Variants in BID observed in about 807,000 individuals in gnomAD.
BID encodes the protein BH3-interacting domain death agonist.
Under a neutral mutation model 17.4 loss-of-function variants are expected in BID, and 19 were observed. The ratio of observed to expected loss-of-function variants is 1.09; its 90% CI spans 0.76 to 1.60. BID has a LOEUF of 1.60. BID is among the 40% of genes most tolerant of loss of function. BID has a pLI of 0.00. For synonymous variants in BID, 108 were observed against 102.8 expected, an observed-to-expected ratio of 1.05 and a Z score of -0.31; for missense variants, 226 against 256.0, an observed-to-expected ratio of 0.88 and a Z score of 0.80.
chr22:17,741,539 T>A (rs987935774), intron 3 of BID, among the ~76,000 whole-genome samples: 3 of 151,354 alleles, frequency 2.0e-5, no homozygotes, highest in East Asian at 3.9e-4. Flanking sequence ...AGTGGTACAA[T>A]CTCAGCTCAC....
chr22:17,760,800 A>G (rs2061632647), intron 1 of BID, among the ~76,000 whole-genome samples: 1 of 152,166 alleles, frequency 6.6e-6, no homozygotes, highest in South Asian at 2.1e-4. Context: ...CACATGGGGA[A>G]CATCAGCATG....
chr22:17,761,240 A>G (rs1382792806), intron 1 of BID, among the ~76,000 whole-genome samples: 1 of 152,180 alleles, frequency 6.6e-6, no homozygotes, highest in Non-Finnish European at 1.5e-5. Context: ...CGGGTGTCTG[A>G]GAGAGACTTG....
chr22:17,741,430 C>T, intron 3 of BID, among the ~76,000 whole-genome samples: 1 of 152,016 alleles, frequency 6.6e-6, no homozygotes, highest in Admixed American at 6.6e-5. Flanking sequence ...TCTGACTTAA[C>T]TTCCACGCTT....
Position 17,743,945 on chromosome 22 carries a change from G to T in BID, c.81C>A (p.Ser27Arg). Residue 27 changes from serine to arginine, a missense_variant, in exon 3 of 6, where the codon AGC becomes AGA. Physicochemically the swap from Ser to Arg is moderately radical, Grantham distance 110 (BLOSUM62 -1). Transcript: ENST00000622694. Reference protein sequence around the residue: ...TNLLVFGFLQSCSDNSFRREL... With the variant: ...TNLLVFGFLQRCSDNSFRREL... ...CTCTGCGGAAGCTGTTGTCAGAACAGCTTTGGAGGAAGCCAAACACCAGTA... is the reference window on the plus strand; with the variant it reads ...CTCTGCGGAAGCTGTTGTCAGAACATCTTTGGAGGAAGCCAAACACCAGTA... The T allele has an allele frequency of 6.2e-7, 1 of 1,614,034 alleles. No homozygotes were observed. The highest frequency in any genetic ancestry group is 8.5e-7 in the Non-Finnish European group (1 of 1,180,038).
At chr22:17,759,256 A>C (rs1295742509) in intron 1 of BID, among the ~76,000 whole-genome samples, 3 of 149,506 alleles carry the variant, frequency 2.0e-5, no homozygotes, top group Non-Finnish European at 4.5e-5. Context: ...CAAAAAAAAA[A>C]AAACAAAAGA....
Position 17,735,264 on chromosome 22 carries a change from AATTTTT to A in BID, c.*310_*315del. The A allele has an allele frequency of 3.5e-6, 1 of 288,974 alleles. No individual in the cohort carries two copies. Among genetic ancestry groups the A allele is most frequent in the Non-Finnish European group, 6.4e-6 (1 of 156,290 alleles). The allele number at this position is 288,974 out of a possible 1,614,324, so 17.9% of individuals were successfully genotyped here. A position where few individuals can be genotyped will look rare whatever the true frequency, so the allele number is the denominator to read the frequency against. On this transcript the variant is annotated 3_prime_UTR_variant, in exon 6 of 6. Transcript: ENST00000622694. Reference sequence around the variant, plus strand: ...TTCCTTGAAACCTGCTTTCCAATTTAATTTTTAAGTGGGAACCTGCACAGTGGAAAT... The same window carrying A: ...TTCCTTGAAACCTGCTTTCCAATTTAAAGTGGGAACCTGCACAGTGGAAAT...
At chr22:17,757,842 T>A (rs1279479470) in intron 1 of BID, among the ~76,000 whole-genome samples, 1 of 152,190 alleles carries the variant, frequency 6.6e-6, no homozygotes, top group Non-Finnish European at 1.5e-5. Context: ...ACTCGGCCGC[T>A]GTCACTCGCG....
intron 2 of BID, among the ~76,000 whole-genome samples, chr22:17,744,443 G>A (rs143067553): frequency 1.1e-4 from 16 of 152,366 alleles, no homozygotes; most frequent in Admixed American, 1.0e-3. Flanking sequence ...TTTCCTGGCT[G>A]TGCTTCCAAC....
Position 17,773,836 on chromosome 22 carries a change from A to C in BID, c.-59+545T>G, listed in dbSNP as rs2061739211. ...CAGCGAGGATCCGCACATCATTGCC[A>C]GTGCTCTAAGGAGCGGGCGAGCCCC... On this transcript the variant is annotated intron_variant, in intron 1 of 5. Coordinates refer to ENST00000622694, the MANE Select transcript of BID (RefSeq NM_001196.4). The surrounding 1 kb of genome is among the most constrained non-coding windows in gnomAD (Gnocchi z 4.4). 1.2e-6 allele frequency: 1 copy of C among 801,928 alleles called. No individual in the cohort carries two copies. Among genetic ancestry groups the C allele is most frequent in the Non-Finnish European group, 2.0e-6 (1 of 499,712 alleles). The allele number at this position is 801,928 out of a possible 1,614,324, so 49.7% of individuals were successfully genotyped here. A position where few individuals can be genotyped will look rare whatever the true frequency, so the allele number is the denominator to read the frequency against.
At chr22:17,757,477 G>C (rs984129567) in intron 1 of BID, among the ~76,000 whole-genome samples, 15 of 150,354 alleles carry the variant, frequency 1.0e-4, no homozygotes, top group African/African-American at 3.7e-4. Flanking sequence ...GGGAGGCCGA[G>C]GCGGGCGGAT....
rs2061739273 is a variant in BID, at chr22:17,773,850, C to T, written c.-59+531G>A. 6 of 730,094 alleles carry T rather than the reference C, an allele frequency of 8.2e-6. No individual in the cohort carries two copies. The highest frequency in any genetic ancestry group is 1.3e-5 in the Non-Finnish European group (6 of 446,978). 45.2% of individuals were successfully genotyped at this position (730,094 alleles called of 1,614,324 possible). ...ACATCATTGCCAGTGCTCTAAGGAG[C>T]GGGCGAGCCCCAGTAAGCGGCCGCT... On this transcript the variant is annotated intron_variant, in intron 1 of 5. Transcript: ENST00000622694. The surrounding 1 kb of genome is among the most constrained non-coding windows in gnomAD (Gnocchi z 4.4).
chr22:17,756,475 C>CTTTCT (rs1569047861), intron 1 of BID, among the ~76,000 whole-genome samples: 1 of 100,890 alleles, frequency 9.9e-6, no homozygotes, highest in Non-Finnish European at 2.4e-5. Flanking sequence ...TTCTTTCTTT[C>CTTTCT]TTTTCTTTCT....
At position 17,769,294 on chromosome 22, in the gene BID, C is replaced by T. The variant is rs889168914; in HGVS notation, c.-59+5087G>A. 6.6e-6 allele frequency among the ~76,000 whole-genome samples: 1 copy of T among 152,242 alleles called. No homozygotes were observed. Among genetic ancestry groups the T allele is most frequent in the Non-Finnish European group, 1.5e-5 (1 of 68,036 alleles). On this transcript the variant is annotated intron_variant, in intron 1 of 5. Transcript: ENST00000622694. This position sits in a 1 kb window ranked among gnomAD's most constrained non-coding sequence, Gnocchi z 4.8. ...CTGCTGGTGTGAGTACACGGGTGAC[C>T]CTTCCACAAAGGCCCCTAGCTGGGC...
chr22:17,744,081 C>T, intron 2 of BID, 68 bp from the exon 3 acceptor site: 1 of 1,401,008 alleles, frequency 7.1e-7, no homozygotes, highest in Non-Finnish European at 1.0e-6. Context: ...GCAAAGAGCT[C>T]CAGTTGCAGC....
chr22:17,772,266 G>A (rs2061726982), intron 1 of BID, among the ~76,000 whole-genome samples: 1 of 152,282 alleles, frequency 6.6e-6, no homozygotes, highest in South Asian at 2.1e-4. Context: ...TGGCCGCTGA[G>A]GGCGGTCCGC....
chr22:17,753,489 C>A (rs1017393484), intron 1 of BID, among the ~76,000 whole-genome samples: 1 of 152,202 alleles, frequency 6.6e-6, no homozygotes, highest in African/African-American at 2.4e-5. Flanking sequence ...CATTCCTAGG[C>A]CTGGCTGGTC....
At chr22:17,737,031 T>C (rs2061425126) in intron 5 of BID, among the ~76,000 whole-genome samples, 1 of 152,118 alleles carries the variant, frequency 6.6e-6, no homozygotes, top group African/African-American at 2.4e-5. Flanking sequence ...GGTCTTGAAC[T>C]CCTGACTTCA....
chr22:17,768,202 T>A (rs2268787), intron 1 of BID, among the ~76,000 whole-genome samples: 52,890 of 152,130 alleles, frequency 0.35, 12,445 homozygotes, highest in African/African-American at 0.66. Context: ...GCACACCGTG[T>A]ATATACTAAG....
At chr22:17,740,196 C>G in intron 3 of BID, 1 of 1,606,338 alleles carries the variant, frequency 6.2e-7, no homozygotes, top group Non-Finnish European at 8.5e-7. Context: ...GGTAAGCTCC[C>G]TAAGGGCTGT....
Sources: gnomAD v4.1 joint callset for allele counts (sites outside exome capture counted in the v4.1 genomes callset) on GRCh38, gnomAD v4.1.1 for gene constraint, Gnocchi (gnomAD v3.1) non-coding constraint, MANE v1.5 for transcripts, NCBI Gene and HGNC (gene_info 2026-07-23, HGNC 2026-07-21) for gene names.